UNC80: variants seen among roughly 807,000 people sequenced by gnomAD.
UNC80 encodes the protein protein unc-80 homolog.
Under a neutral mutation model 384.6 loss-of-function variants are expected in UNC80, and 164 were observed. The observed-to-expected ratio is 0.43, with a 90% CI of 0.38 to 0.49. The LOEUF is 0.49. Among genes scored for constraint, UNC80 ranks in the 20% least tolerant of loss-of-function variants. The pLI is 0.00. For synonymous variants in UNC80, 1,486 were observed against 1,527.8 expected, an observed-to-expected ratio of 0.97 and a Z score of 0.64; for missense variants, 3,330 against 4,143.0, an observed-to-expected ratio of 0.80 and a Z score of 5.39.
chr2:209,997,020 T>C lies in UNC80; in HGVS notation c.*1425T>C, dbSNP rs1438879264. On this transcript the variant is annotated 3_prime_UTR_variant, in exon 65 of 65. Coordinates refer to ENST00000673920, the MANE Select transcript of UNC80 (RefSeq NM_001371986.1). ...TTGAGTGCGTTGGCTGTGAAATGTA[T>C]ACATATATAAAGAGGATACCTACTA... is the stretch of plus-strand genomic sequence containing the variant. 2 of 152,150 alleles carry C rather than the reference T, an allele frequency of 1.3e-5. No homozygotes were observed. Among genetic ancestry groups the C allele is most frequent in the East Asian group, 3.9e-4 (2 of 5,194 alleles). The allele number at this position is 152,150 out of a possible 1,614,324, so 9.4% of individuals were successfully genotyped here. A position where few individuals can be genotyped will look rare whatever the true frequency, so the allele number is the denominator to read the frequency against.
At chr2:209,856,497 T>C (rs1333370606) in intron 22 of UNC80, among the ~76,000 whole-genome samples, 1 of 152,092 alleles carries the variant, frequency 6.6e-6, no homozygotes, top group East Asian at 1.9e-4. Context: ...GTCTTGAAAT[T>C]CCAAGGTAGC....
Position 209,881,011 on chromosome 2 carries a change from G to A in UNC80, c.4027G>A (p.Ala1343Thr). Residue 1343 changes from alanine (A) to threonine (T), a missense_variant, in exon 25 of 65, where the codon GCA becomes ACA. Physicochemically the swap from Ala to Thr is moderately conservative, Grantham distance 58. Transcript: ENST00000673920. ...TTGCCCCTTTGCCTTGAAGATGGCA[G>A]CATGTCAGCTTCTTCTGGAGATTAC... ...CGCPFALKMA[A>T]CQLLLEITTF... is the part of the protein sequence containing the mutation. The A allele has an allele frequency of 6.4e-7, 1 of 1,551,968 alleles. No homozygotes were observed. The highest frequency in any genetic ancestry group is 1.2e-5 in the South Asian group (1 of 84,056).
intron 18 of UNC80, among the ~76,000 whole-genome samples, 179 bp downstream of exon 18, chr2:209,835,189 G>A (rs1277188588): frequency 1.3e-5 from 2 of 152,092 alleles, no homozygotes; most frequent in Non-Finnish European, 2.9e-5. Context: ...CAAATAACCA[G>A]TCTGTGCCTA....
At chr2:209,778,138 C>A (rs1162424832) in intron 4 of UNC80, among the ~76,000 whole-genome samples, 4 of 152,146 alleles carry the variant, frequency 2.6e-5, no homozygotes, top group African/African-American at 9.7e-5. Context: ...CGCGGTGGCT[C>A]ACACCTGTAA....
At chr2:209,828,118 A>C (rs547127894) in intron 14 of UNC80, among the ~76,000 whole-genome samples, 4 of 152,110 alleles carry the variant, frequency 2.6e-5, no homozygotes, top group Non-Finnish European at 5.9e-5. Context: ...GGTGTATTTT[A>C]TAGAAAACAC....
chr2:209,882,910 T>G (rs2085425966), intron 25 of UNC80, among the ~76,000 whole-genome samples: 1 of 152,196 alleles, frequency 6.6e-6, no homozygotes, highest in Non-Finnish European at 1.5e-5. Flanking sequence ...TTTTAAAAGA[T>G]CAATCAAATC....
chr2:209,887,391 C>G (rs1198695728), intron 25 of UNC80, among the ~76,000 whole-genome samples: 4 of 152,082 alleles, frequency 2.6e-5, no homozygotes, highest in African/African-American at 9.7e-5. Context: ...TCTTTCATAG[C>G]CACAGCTTCC....
In UNC80 at chr2:209,982,029, T is replaced by A. The variant is rs1045576565; in HGVS notation, c.9119-150T>A. 9 of 640,958 alleles carry A rather than the reference T, an allele frequency of 1.4e-5. No individual in the cohort carries two copies. In the African/African-American group the frequency reaches 1.7e-4, roughly 12 times the overall value. The allele number at this position is 640,958 out of a possible 1,614,324, so 39.7% of individuals were successfully genotyped here. A position where few individuals can be genotyped will look rare whatever the true frequency, so the allele number is the denominator to read the frequency against. The stretch of plus-strand genomic sequence containing the variant: ...TTACCCCCAAAGGTCTAAGTTTTTT[T>A]ATCTGTATGAAGGGACCAATGATAA... On this transcript the variant is annotated intron_variant, in intron 59 of 64. Transcript: ENST00000673920.
intron 5 of UNC80, 32 bp from the exon 6 acceptor site, chr2:209,789,500 A>G (rs764354474): frequency 1.3e-6 from 2 of 1,524,436 alleles, no homozygotes; most frequent in Admixed American, 3.5e-5. Flanking sequence ...TTAAAACCTT[A>G]CAAAACGATG....
At chr2:209,954,578 C>A (rs1271691516) in intron 48 of UNC80, 6 of 211,112 alleles carry the variant, frequency 2.8e-5, no homozygotes, top group Non-Finnish European at 9.3e-6. Flanking sequence ...GTAAACACAT[C>A]TTGTGTAAGA....
At chr2:209,834,768 C>G in intron 17 of UNC80, 144 bp from the exon 18 acceptor site, 1 of 600,846 alleles carries the variant, frequency 1.7e-6, no homozygotes, top group Non-Finnish European at 2.9e-6. Flanking sequence ...GGTATAAATT[C>G]TAAACAACAT....
At chr2:209,930,564 A>G (rs2090775636) in intron 37 of UNC80, among the ~76,000 whole-genome samples, 1 of 152,186 alleles carries the variant, frequency 6.6e-6, no homozygotes, top group African/African-American at 2.4e-5. Context: ...AAGCAGAATT[A>G]AGACATTCAC....
intron 7 of UNC80, among the ~76,000 whole-genome samples, chr2:209,809,828 C>T (rs934012288): frequency 1.3e-5 from 2 of 152,218 alleles, no homozygotes; most frequent in African/African-American, 4.8e-5. Flanking sequence ...CTGTGGATGG[C>T]TGGCGGGAGG....
intron 18 of UNC80, 122 bp downstream of exon 18, chr2:209,835,132 C>A: frequency 1.4e-6 from 1 of 739,308 alleles, no homozygotes; most frequent in Non-Finnish European, 2.2e-6. Context: ...CTTGTTTCTA[C>A]CCTTTACATT....
rs138245137 is a variant in UNC80, at chr2:209,908,666, C to A, written c.4782+3701C>A. ...CACAGTGTGGGTAAATTCCATAAAG[C>A]AAATTCCAGTGCAAATGTCAAGAGG... On this transcript the variant is annotated intron_variant, in intron 29 of 64. Transcript: ENST00000673920. 5.2e-3 allele frequency among the ~76,000 whole-genome samples: 796 copies of A among 152,262 alleles called. 10 individuals carry two copies. Among genetic ancestry groups the A allele is most frequent in the African/African-American group, 0.018 (747 of 41,548 alleles).
At chr2:209,834,509 A>G (rs1324189812) in intron 17 of UNC80, among the ~76,000 whole-genome samples, 1 of 152,214 alleles carries the variant, frequency 6.6e-6, no homozygotes, top group African/African-American at 2.4e-5. Flanking sequence ...CAAAGCAATT[A>G]CTGATGCCAT....
chr2:209,850,468 A>G (rs970439264), intron 22 of UNC80, among the ~76,000 whole-genome samples: 2 of 152,154 alleles, frequency 1.3e-5, no homozygotes, highest in African/African-American at 4.8e-5. Flanking sequence ...TGACACATGA[A>G]TAAGTGACCA....
At chr2:209,881,596 G>C (rs1040547998) in intron 25 of UNC80, among the ~76,000 whole-genome samples, 4 of 151,920 alleles carry the variant, frequency 2.6e-5, no homozygotes, top group Non-Finnish European at 5.9e-5. Context: ...ATTATGGATA[G>C]ACAGAAATAA....
rs1449552868 is a variant in UNC80 at position 209,976,414 on chromosome 2, G to T, written c.8772+111G>T. 2.0e-5 allele frequency: 27 copies of T among 1,365,252 alleles called. No homozygotes were observed. In the South Asian group the frequency reaches 3.4e-4, roughly 17 times the overall value. 84.6% of individuals were successfully genotyped at this position (1,365,252 alleles called of 1,614,324 possible). ...TCATGGTACCTACTGTTGCCAGTTA[G>T]TAGGGCCTGTTAATACCATGCTTGA... On this transcript the variant is annotated intron_variant, in intron 57 of 64. Coordinates refer to ENST00000673920, the MANE Select transcript of UNC80 (RefSeq NM_001371986.1). This position sits in a 1 kb window ranked among gnomAD's most constrained non-coding sequence, Gnocchi z 4.3.
Sources: allele counts gnomAD v4.1 joint callset (sites outside exome capture counted in the v4.1 genomes callset), GRCh38; gene constraint gnomAD v4.1.1; non-coding constraint Gnocchi (gnomAD v3.1); transcripts MANE v1.5; gene names NCBI Gene and HGNC (gene_info 2026-07-23, HGNC 2026-07-21).